Variants in STIM1 observed in about 807,000 individuals in gnomAD.
The protein encoded by STIM1 is stromal interaction molecule 1.
STIM1 carries 25 observed loss-of-function variants against 74.7 expected under a neutral mutation model. The observed-to-expected ratio is 0.33, with a 90% CI of 0.24 to 0.47. STIM1 has a LOEUF of 0.47. STIM1 is among the 20% of genes least tolerant of loss of function. STIM1 has a pLI of 1.00. For missense variants in STIM1, 728 were observed against 920.8 expected, an observed-to-expected ratio of 0.79 and a Z score of 2.71; for synonymous variants, 328 against 348.8, an observed-to-expected ratio of 0.94 and a Z score of 0.66.
intron 1 of STIM1, among the ~76,000 whole-genome samples, chr11:3,897,129 C>T (rs1427850445): frequency 1.3e-5 from 2 of 152,070 alleles, no homozygotes; most frequent in Non-Finnish European, 2.9e-5. Flanking sequence ...TCTTTCAGGC[C>T]CAAGATTCTG....
rs753866802 is a variant in STIM1 at position 3,862,668 on chromosome 11, G to T, written c.139+6259G>T. Among the ~76,000 whole-genome samples, 3 of 151,930 alleles carry T rather than the reference G, an allele frequency of 2.0e-5. No individual in the cohort carries two copies. In the East Asian group the frequency reaches 5.8e-4, roughly 29 times the overall value. On this transcript the variant is annotated intron_variant, in intron 1 of 12. Transcript: ENST00000526596. ...TCACTGTGTTAGCCAGGATGGTCTC[G>T]ATCTCCTGACCTCGTGATCTGTCCG...
intron 2 of STIM1, among the ~76,000 whole-genome samples, chr11:4,018,745 C>A (rs950743123): frequency 6.6e-6 from 1 of 151,504 alleles, no homozygotes; most frequent in Non-Finnish European, 1.5e-5. Context: ...TTACTCATTT[C>A]TCTCCAACGA....
chr11:3,981,883 T>C (rs2093508397), intron 2 of STIM1, among the ~76,000 whole-genome samples: 1 of 152,222 alleles, frequency 6.6e-6, no homozygotes, highest in Non-Finnish European at 1.5e-5. Context: ...GCCCAAAGGC[T>C]ATGTAGTAGA....
chr11:3,948,661 A>G (rs542152791), intron 1 of STIM1, among the ~76,000 whole-genome samples: 163 of 152,278 alleles, frequency 1.1e-3, no homozygotes, highest in Non-Finnish European at 2.1e-3. Context: ...CAAGTTCTCA[A>G]TCTATAATAG....
rs1406735432 is a variant in STIM1 at position 4,090,947 on chromosome 11, T to G, written c.1635-335T>G. ...CCCTATCACTTTTCCCTTTCTTGTC[T>G]TTCTCTCTTGGCCCTTCTTTCTACC... is the stretch of plus-strand genomic sequence containing the variant. On this transcript the variant is annotated intron_variant, in intron 12 of 12. Transcript: ENST00000526596. Among the ~76,000 whole-genome samples the G allele has an allele frequency of 2.0e-5, 3 of 151,992 alleles. No homozygotes were observed. The East Asian group carries it at 5.8e-4, about 29-fold the overall frequency.
intron 2 of STIM1, among the ~76,000 whole-genome samples, chr11:3,992,275 A>G (rs1306546429): frequency 2.0e-5 from 3 of 151,238 alleles, no homozygotes; most frequent in Non-Finnish European, 4.4e-5. Context: ...TTAGCTAGGC[A>G]TGGTGATGTG....
At chr11:3,983,174 T>C (rs1590622272) in intron 2 of STIM1, among the ~76,000 whole-genome samples, 2 of 152,194 alleles carry the variant, frequency 1.3e-5, no homozygotes, top group East Asian at 3.9e-4. Context: ...TTTCCAGTAA[T>C]CGGCCTGCCT....
chr11:4,086,334 T>G, intron 11 of STIM1, 143 bp from the exon 12 acceptor site: 1 of 903,684 alleles, frequency 1.1e-6, no homozygotes, highest in Non-Finnish European at 1.7e-6. Context: ...GGTGGGAGGT[T>G]TCTGGGAGGA....
At chr11:4,066,625 T>A (rs186817134) in intron 5 of STIM1, among the ~76,000 whole-genome samples, 13 of 152,126 alleles carry the variant, frequency 8.5e-5, no homozygotes, top group African/African-American at 2.9e-4. Flanking sequence ...TAGGAGGATC[T>A]CTTGAGGCTA....
chr11:4,002,305 T>C (rs1180436528), intron 2 of STIM1, among the ~76,000 whole-genome samples: 50 of 152,186 alleles, frequency 3.3e-4, no homozygotes, highest in East Asian at 2.7e-3. Flanking sequence ...CACCACACCA[T>C]GCCTATTCCA....
intron 1 of STIM1, among the ~76,000 whole-genome samples, chr11:3,864,727 C>G (rs938159593): frequency 2.6e-5 from 4 of 152,168 alleles, no homozygotes; most frequent in Non-Finnish European, 5.9e-5. Flanking sequence ...GGGCAAGGAC[C>G]GCTAGGGATC....
At chr11:4,089,371 A>T (rs1315274114) in intron 12 of STIM1, among the ~76,000 whole-genome samples, 1 of 152,176 alleles carries the variant, frequency 6.6e-6, no homozygotes, top group African/African-American at 2.4e-5. Flanking sequence ...TCCTCAGCTT[A>T]GAGGACCCTT....
chr11:3,895,674 CCTTCCTTCCTTCT>C (rs2092076579), intron 1 of STIM1, among the ~76,000 whole-genome samples: 3 of 46,406 alleles, frequency 6.5e-5, no homozygotes, highest in African/African-American at 3.8e-4. Flanking sequence ...TTCTTTCTTT[CCTTCCTTCCTTCT>C]TTCTTTCTTT....
chr11:4,023,052 C>T (rs768779857), intron 2 of STIM1, among the ~76,000 whole-genome samples: 9 of 152,196 alleles, frequency 5.9e-5, no homozygotes, highest in Non-Finnish European at 1.2e-4. Flanking sequence ...TACAGTCGGC[C>T]GGGTATGGTG....
At chr11:3,925,557 A>G (rs920245655) in intron 1 of STIM1, among the ~76,000 whole-genome samples, 1 of 152,232 alleles carries the variant, frequency 6.6e-6, no homozygotes. Context: ...ACTGGATTGA[A>G]TATCTTTGGA....
chr11:3,895,686 C>T (rs1590538049), intron 1 of STIM1, among the ~76,000 whole-genome samples: 2 of 34,834 alleles, frequency 5.7e-5, no homozygotes, highest in Non-Finnish European at 9.7e-5. Context: ...TTCCTTCCTT[C>T]TTTCTTTCTT....
At chr11:4,033,846 G>A (rs913117476) in intron 3 of STIM1, among the ~76,000 whole-genome samples, 3 of 151,742 alleles carry the variant, frequency 2.0e-5, no homozygotes, top group African/African-American at 7.3e-5. Flanking sequence ...TGATCTGCCC[G>A]CCTCGGCCTC....
chr11:4,091,540 C>T lies in STIM1; in HGVS notation c.1893C>T (p.Ser631=), dbSNP rs781756003. ...LDKAHSLMEL[S]PSAPPGGSPH... ...AGGCCCACAGCCTGATGGAGCTGAG[C>T]CCCTCAGCCCCACCTGGTGGCTCTC... The change falls in exon 13 of 13, where the codon AGC becomes AGT. Residue 631 remains serine, a synonymous_variant. Transcript: ENST00000526596. 3.7e-6 allele frequency: 6 copies of T among 1,614,076 alleles called. No homozygotes were observed. In the Admixed American group the frequency reaches 5.0e-5, roughly 13 times the overall value.
intron 1 of STIM1, among the ~76,000 whole-genome samples, chr11:3,858,413 G>T (rs960976219): frequency 6.6e-6 from 1 of 152,148 alleles, no homozygotes; most frequent in African/African-American, 2.4e-5. Flanking sequence ...ACTGGTTTCT[G>T]TTGTCACAAT....
Sources: allele counts gnomAD v4.1 joint callset (sites outside exome capture counted in the v4.1 genomes callset), GRCh38; gene constraint gnomAD v4.1.1; transcripts MANE v1.5; gene names NCBI Gene and HGNC (gene_info 2026-07-23, HGNC 2026-07-21).